Variants in CDH9 observed in about 807,000 individuals in gnomAD.
The protein encoded by CDH9 is cadherin-9.
CDH9 carries 28 observed loss-of-function variants against 70.9 expected under a neutral mutation model. The observed-to-expected ratio is 0.40, with a 90% CI of 0.29 to 0.54. The LOEUF is 0.54. Among genes scored for constraint, CDH9 ranks in the 20% least tolerant of loss-of-function variants. The pLI is 0.59. For synonymous variants in CDH9, 409 were observed against 343.1 expected, an observed-to-expected ratio of 1.19 and a Z score of -2.12; for missense variants, 874 against 984.4, an observed-to-expected ratio of 0.89 and a Z score of 1.50.
At chr5:26,986,066 A>T (rs1167018289) in intron 2 of CDH9, among the ~76,000 whole-genome samples, 1 of 151,908 alleles carries the variant, frequency 6.6e-6, no homozygotes, top group Non-Finnish European at 1.5e-5. Flanking sequence ...GTCCCTATTA[A>T]AAAAAAGAAA....
chr5:26,967,853 G>A (rs1473078880), intron 2 of CDH9, among the ~76,000 whole-genome samples: 1 of 151,878 alleles, frequency 6.6e-6, no homozygotes, highest in Non-Finnish European at 1.5e-5. Context: ...GATGTCAGGT[G>A]CCACTATGTC....
intron 2 of CDH9, among the ~76,000 whole-genome samples, chr5:26,935,109 T>C (rs1741536625): frequency 2.0e-5 from 3 of 152,252 alleles, no homozygotes; most frequent in African/African-American, 7.2e-5. Flanking sequence ...TAATCTGTCA[T>C]ATCAAGAGGC....
intron 2 of CDH9, among the ~76,000 whole-genome samples, chr5:26,951,018 G>A (rs1016464745): frequency 2.0e-5 from 3 of 152,078 alleles, no homozygotes; most frequent in East Asian, 3.9e-4. Flanking sequence ...AATAAAAGGC[G>A]TGTGCTGGCT....
chr5:26,973,696 T>C (rs1438956551), intron 2 of CDH9, among the ~76,000 whole-genome samples: 1 of 152,188 alleles, frequency 6.6e-6, no homozygotes. Flanking sequence ...AATAAATATT[T>C]ATTTGAATGG....
chr5:27,033,587 G>A (rs1439125229), intron 1 of CDH9, among the ~76,000 whole-genome samples: 2 of 150,614 alleles, frequency 1.3e-5, no homozygotes, highest in African/African-American at 2.4e-5. Context: ...TCCTTAACAG[G>A]AAACTGTTAC....
At chr5:26,905,736 C>A (rs1301108876) in intron 5 of CDH9, among the ~76,000 whole-genome samples, 1 of 152,056 alleles carries the variant, frequency 6.6e-6, no homozygotes, top group Non-Finnish European at 1.5e-5. Context: ...AAGCTTAATA[C>A]TTTGTTTTCT....
intron 1 of CDH9, among the ~76,000 whole-genome samples, chr5:27,013,833 G>T (rs1371339578): frequency 6.6e-6 from 1 of 151,850 alleles, no homozygotes; most frequent in Non-Finnish European, 1.5e-5. Flanking sequence ...TTCACTCGAG[G>T]AAGGTCCTGT....
chr5:26,902,695 A>G lies in CDH9; in HGVS notation c.1034T>C (p.Leu345Ser). 1.3e-6 allele frequency: 2 copies of G among 1,567,516 alleles called. No homozygotes were observed. Among genetic ancestry groups the G allele is most frequent in the Non-Finnish European group, 8.8e-7 (1 of 1,138,304 alleles). Residue 345 changes from leucine (L) to serine (S), a missense_variant, in exon 7 of 12, where the codon TTA becomes TCA. Leu to Ser is a moderately radical substitution (Grantham distance 145). Coordinates refer to ENST00000231021, the MANE Select transcript of CDH9 (RefSeq NM_016279.4). ...GTGAGTGTTACTTGCATCCACTCTTAAAGTATAGAGCATTTGATTTTCAAA... is the reference window on the plus strand; with the variant it reads ...GTGAGTGTTACTTGCATCCACTCTTGAAGTATAGAGCATTTGATTTTCAAA... ...LDFENQMLYT[L>S]RVDASNTHPD...
At chr5:26,894,736 C>A (rs1245765306) in intron 7 of CDH9, among the ~76,000 whole-genome samples, 1 of 152,126 alleles carries the variant, frequency 6.6e-6, no homozygotes, top group African/African-American at 2.4e-5. Context: ...CAGAACAAAG[C>A]TATCTCTATG....
intron 2 of CDH9, among the ~76,000 whole-genome samples, chr5:26,927,520 G>A (rs535006367): frequency 1.3e-5 from 2 of 152,034 alleles, no homozygotes; most frequent in South Asian, 2.1e-4. Context: ...GACCTAGTCC[G>A]GCTCTATCAC....
At chr5:26,924,038 T>A (rs555280584) in intron 2 of CDH9, among the ~76,000 whole-genome samples, 236 of 150,220 alleles carry the variant, frequency 1.6e-3, no homozygotes, top group African/African-American at 4.1e-3. Flanking sequence ...ACAAAAGAAA[T>A]AATAAAGATC....
At chr5:26,920,525 C>T (rs558526648) in intron 2 of CDH9, among the ~76,000 whole-genome samples, 7 of 152,038 alleles carry the variant, frequency 4.6e-5, no homozygotes, top group East Asian at 2.0e-4. Context: ...TGAACACAGA[C>T]GGTAGCCAAG....
At chr5:26,885,180 T>C (rs1053947965) in intron 11 of CDH9, among the ~76,000 whole-genome samples, 11 of 152,142 alleles carry the variant, frequency 7.2e-5, no homozygotes, top group Non-Finnish European at 1.3e-4. Flanking sequence ...AGGAGAACTC[T>C]ATGGTAGAGT....
chr5:26,952,948 GA>G (rs1447679502), intron 2 of CDH9, among the ~76,000 whole-genome samples: 1 of 138,530 alleles, frequency 7.2e-6, no homozygotes, highest in East Asian at 2.1e-4. Flanking sequence ...AGTCAAAGTT[GA>G]AAAGTGAGTC....
intron 1 of CDH9, among the ~76,000 whole-genome samples, chr5:27,008,747 G>A (rs545677184): frequency 6.6e-6 from 1 of 152,198 alleles, no homozygotes; most frequent in South Asian, 2.1e-4. Context: ...TGATTGCATG[G>A]TAGATGCTGC....
chr5:26,917,506 C>T (rs961604432), intron 2 of CDH9, among the ~76,000 whole-genome samples: 2 of 151,964 alleles, frequency 1.3e-5, no homozygotes, highest in African/African-American at 4.8e-5. Flanking sequence ...ACATCCTGCC[C>T]TCACCTATTT....
At chr5:26,936,889 G>A (rs1451079731) in intron 2 of CDH9, among the ~76,000 whole-genome samples, 1 of 151,656 alleles carries the variant, frequency 6.6e-6, no homozygotes, top group African/African-American at 2.4e-5. Flanking sequence ...CACTCAAAAT[G>A]TGTTTTTAGA....
At chr5:27,020,902 G>A (rs1016190900) in intron 1 of CDH9, among the ~76,000 whole-genome samples, 9 of 151,376 alleles carry the variant, frequency 5.9e-5, no homozygotes, top group Non-Finnish European at 8.9e-5. Context: ...TACAATTGAC[G>A]GTTAATTCTT....
chr5:26,922,783 C>T (rs945441666), intron 2 of CDH9, among the ~76,000 whole-genome samples: 1 of 151,688 alleles, frequency 6.6e-6, no homozygotes, highest in African/African-American at 2.4e-5. Context: ...TTAAAAATAA[C>T]TACAACTTTT....
Sources: allele counts gnomAD v4.1 joint callset (sites outside exome capture counted in the v4.1 genomes callset), GRCh38; gene constraint gnomAD v4.1.1; transcripts MANE v1.5; gene names NCBI Gene and HGNC (gene_info 2026-07-23, HGNC 2026-07-21).